Variants in UGDH observed in about 807,000 individuals in gnomAD.
UGDH encodes the protein UDP-Glc dehydrogenase.
Under a neutral mutation model 50.6 loss-of-function variants are expected in UGDH, and 38 were observed. The observed-to-expected ratio is 0.75, with a 90% CI of 0.58 to 0.98. UGDH has a LOEUF of 0.98. Ranked by LOEUF, UGDH falls within the 50% of genes least tolerant of loss-of-function variation. The probability of loss-of-function intolerance (pLI) is 0.00; values close to 1 mark genes in which losing one functional copy is unlikely to be tolerated. For synonymous variants in UGDH, 168 were observed against 199.9 expected (o/e 0.84, Z 1.35); for missense variants, 465 against 606.2 (o/e 0.77, Z 2.45).
intron 2 of UGDH, 133 bp downstream of exon 2, chr4:39,521,218 T>A (rs1746647314): frequency 4.4e-6 from 4 of 911,508 alleles, no homozygotes; most frequent in Non-Finnish European, 6.2e-6. Context: ...CCATGTGTTT[T>A]GTATCCAGAT....
chr4:39,504,344 G>A, intron 10 of UGDH, 73 bp downstream of exon 10: 1 of 1,342,446 alleles, frequency 7.4e-7, no homozygotes, highest in Non-Finnish European at 1.1e-6. Context: ...ACACATACAT[G>A]AACACATACT....
chr4:39,510,299 A>C, intron 5 of UGDH, 54 bp downstream of exon 5: 1 of 1,569,196 alleles, frequency 6.4e-7, no homozygotes, highest in South Asian at 1.1e-5. Context: ...TCAGGCTTGA[A>C]ATAAATAAAT....
intron 1 of UGDH, among the ~76,000 whole-genome samples, chr4:39,523,965 T>C (rs1315032985): frequency 1.3e-5 from 2 of 152,240 alleles, no homozygotes; most frequent in Non-Finnish European, 2.9e-5. Context: ...CGTTTTCTTG[T>C]ATATCCTCCC....
rs1578260946 is a variant in UGDH at position 39,502,014 on chromosome 4, A to T, written c.1375-1761T>A. On this transcript the variant is annotated intron_variant, in intron 11 of 11. Coordinates refer to ENST00000316423, the MANE Select transcript of UGDH (RefSeq NM_003359.4). ...TTAACCAGTTGTCTCAGTGACTTAC[A>T]AATTCTCCTTATTTAGTGATTCCAT... Among the ~76,000 whole-genome samples, 3 of 152,210 alleles carry T rather than the reference A, an allele frequency of 2.0e-5. No homozygotes were observed. In the East Asian group the frequency reaches 5.8e-4, roughly 29 times the overall value.
intron 1 of UGDH, 123 bp from the exon 2 acceptor site, chr4:39,521,642 C>A: frequency 1.3e-6 from 1 of 792,960 alleles, no homozygotes. Flanking sequence ...AGATTTCCTA[C>A]ATTCGCTCTG....
intron 3 of UGDH, among the ~76,000 whole-genome samples, chr4:39,511,087 T>A (rs1746227685): frequency 6.6e-6 from 1 of 152,130 alleles, no homozygotes; most frequent in African/African-American, 2.4e-5. Context: ...GAAGCTACTA[T>A]CTATATGCCG....
chr4:39,500,048 C>G lies in UGDH; in HGVS notation c.*95G>C. On this transcript the variant is annotated 3_prime_UTR_variant, in exon 12 of 12. Coordinates refer to ENST00000316423, the MANE Select transcript of UGDH (RefSeq NM_003359.4). ...GTCTCAAAAAAAAAACAAAAAAAAA[C>G]ACTTGGTTCATTTACCATTTAATAG... 1 of 678,354 alleles carries G rather than the reference C, an allele frequency of 1.5e-6. No homozygotes were observed. Among genetic ancestry groups the G allele is most frequent in the Non-Finnish European group, 2.4e-6 (1 of 422,558 alleles). The allele number at this position is 678,354 out of a possible 1,614,324, so 42.0% of individuals were successfully genotyped here. A position where few individuals can be genotyped will look rare whatever the true frequency, so the allele number is the denominator to read the frequency against.
intron 1 of UGDH, among the ~76,000 whole-genome samples, chr4:39,525,021 G>A (rs13129975): frequency 0.33 from 49,616 of 152,070 alleles, 10,245 homozygotes; most frequent in Non-Finnish European, 0.43. Flanking sequence ...CATGAAATAC[G>A]GCTTACCGAT....
intron 2 of UGDH, among the ~76,000 whole-genome samples, 195 bp downstream of exon 2, chr4:39,521,156 C>T (rs1746644315): frequency 6.6e-6 from 1 of 151,356 alleles, no homozygotes. Context: ...TGATAGACTT[C>T]TTTCTGGTCA....
At chr4:39,506,708 A>G (rs767185306) in intron 7 of UGDH, among the ~76,000 whole-genome samples, 4 of 152,222 alleles carry the variant, frequency 2.6e-5, no homozygotes, top group Non-Finnish European at 5.9e-5. Flanking sequence ...TTAAGCTTTC[A>G]GGGACCATCT....
chr4:39,510,029 T>C, intron 5 of UGDH, 122 bp from the exon 6 acceptor site: 1 of 1,156,724 alleles, frequency 8.6e-7, no homozygotes, highest in East Asian at 2.6e-5. Flanking sequence ...ACTGATGAGC[T>C]CAATTTGAGG....
rs970769221 is a variant in UGDH at position 39,499,954 on chromosome 4, T to C, written c.*189A>G. The stretch of plus-strand genomic sequence containing the variant: ...CTGAGCCAGGAGAATGGCGTGAACC[T>C]GGGAAGCAGAGCTTGCAGTGAGCCG... On this transcript the variant is annotated 3_prime_UTR_variant, in exon 12 of 12. Transcript: ENST00000316423. The C allele has an allele frequency of 7.1e-5, 29 of 406,680 alleles. No individual in the cohort carries two copies. The highest frequency in any genetic ancestry group is 1.2e-4 in the Non-Finnish European group (26 of 225,096). The allele number at this position is 406,680 out of a possible 1,614,324, so 25.2% of individuals were successfully genotyped here. A position where few individuals can be genotyped will look rare whatever the true frequency, so the allele number is the denominator to read the frequency against.
chr4:39,513,611 A>G (rs1472003251), intron 3 of UGDH, among the ~76,000 whole-genome samples: 1 of 134,368 alleles, frequency 7.4e-6, no homozygotes, highest in Admixed American at 9.4e-5. Flanking sequence ...ATCTCGGCTC[A>G]CTGCAACCTC....
At chr4:39,510,946 G>A (rs1478280605) in intron 3 of UGDH, 85 bp from the exon 4 acceptor site, 1 of 1,362,966 alleles carries the variant, frequency 7.3e-7, no homozygotes, top group African/African-American at 1.4e-5. Flanking sequence ...TTAAAGTGTG[G>A]AGTTAACAAT....
rs1746348956 is a variant in UGDH at position 39,514,012 on chromosome 4, A to G, written c.264+71T>C. On this transcript the variant is annotated intron_variant, in intron 3 of 11. Coordinates refer to ENST00000316423, the MANE Select transcript of UGDH (RefSeq NM_003359.4). ...GAGGCTTAATACCAATGGATTTACT[A>G]TTAAAGTATGATGAAACTTTTATAT... The G allele has an allele frequency of 5.7e-6, 7 of 1,228,582 alleles. No individual in the cohort carries two copies. The South Asian group carries it at 6.6e-5, about 12-fold the overall frequency. 76.1% of individuals were successfully genotyped at this position (1,228,582 alleles called of 1,614,324 possible).
At position 39,517,503 on chromosome 4, in the gene UGDH, C is replaced by A. The variant is rs113940708; in HGVS notation, c.163-3319G>T. ...GGGATTACAGGTGTGAGCCACCACACCCGGCCTAAACTGTATTTTTTAAAG... is the reference window on the plus strand; with the variant it reads ...GGGATTACAGGTGTGAGCCACCACAACCGGCCTAAACTGTATTTTTTAAAG... On this transcript the variant is annotated intron_variant, in intron 2 of 11. Coordinates refer to ENST00000316423, the MANE Select transcript of UGDH (RefSeq NM_003359.4). Among the ~76,000 whole-genome samples the A allele has an allele frequency of 3.6e-3, 545 of 152,286 alleles. 2 individuals carry two copies. Among genetic ancestry groups the A allele is most frequent in the African/African-American group, 0.011 (465 of 41,560 alleles).
chr4:39,512,647 CT>C (rs1472776147), intron 3 of UGDH, among the ~76,000 whole-genome samples: 3 of 151,766 alleles, frequency 2.0e-5, no homozygotes, highest in African/African-American at 4.8e-5. Flanking sequence ...AAAAATTAGA[CT>C]AAGTAACTCA....
intron 2 of UGDH, among the ~76,000 whole-genome samples, chr4:39,517,733 A>G (rs982606456): frequency 6.6e-6 from 1 of 152,170 alleles, no homozygotes; most frequent in Non-Finnish European, 1.5e-5. Flanking sequence ...TGAATTCTAT[A>G]ATCATAGATT....
chr4:39,514,274 A>G, intron 2 of UGDH, 90 bp from the exon 3 acceptor site: 1 of 1,031,572 alleles, frequency 9.7e-7, no homozygotes. Flanking sequence ...GTTAAAGGGC[A>G]TGGTAATATT....
Sources: allele counts gnomAD v4.1 joint callset (sites outside exome capture counted in the v4.1 genomes callset), GRCh38; gene constraint gnomAD v4.1.1; transcripts MANE v1.5; gene names NCBI Gene and HGNC (gene_info 2026-07-23, HGNC 2026-07-21).